The following AP3D1 variants were observed in gnomAD, a reference collection of about 807,000 sequenced individuals.
The protein encoded by AP3D1 is AP-3 complex subunit delta-1.
In AP3D1, 51 loss-of-function variants were observed where a neutral mutation model predicts 147.6. The observed-to-expected ratio is 0.35, with a 90% CI of 0.28 to 0.44. The LOEUF is 0.44. Among genes scored for constraint, AP3D1 ranks in the 20% least tolerant of loss-of-function variants. The pLI is 1.00. For missense variants in AP3D1, 1,421 were observed against 1,624.2 expected, an observed-to-expected ratio of 0.87 and a Z score of 2.15; for synonymous variants, 760 against 663.0, an observed-to-expected ratio of 1.15 and a Z score of -2.25.
rs1599484414 is a variant in AP3D1 at position 2,137,578 on chromosome 19, A to G, written c.273+149T>C. 1.2e-5 allele frequency: 8 copies of G among 681,786 alleles called. No homozygotes were observed. The East Asian group carries it at 1.9e-4, about 16-fold the overall frequency. The allele number at this position is 681,786 out of a possible 1,614,324, so 42.2% of individuals were successfully genotyped here. A position where few individuals can be genotyped will look rare whatever the true frequency, so the allele number is the denominator to read the frequency against. The stretch of plus-strand genomic sequence containing the variant: ...TGATCCGCCTGTCTCAGCCTCCCAA[A>G]GTGCTGGGATTACAGGCCACTGAAT... On this transcript the variant is annotated intron_variant, in intron 3 of 31. Coordinates refer to ENST00000643116, the MANE Select transcript of AP3D1 (RefSeq NM_001261826.3).
At chr19:2,121,935 G>A in intron 11 of AP3D1, 56 bp from the exon 12 acceptor site, 1 of 1,548,768 alleles carries the variant, frequency 6.5e-7, no homozygotes, top group Non-Finnish European at 8.7e-7. Context: ...GCAGGGTGCA[G>A]GCAGGGCCCA....
intron 9 of AP3D1, among the ~76,000 whole-genome samples, chr19:2,126,843 G>A (rs1470479195): frequency 1.3e-5 from 2 of 152,118 alleles, no homozygotes; most frequent in Non-Finnish European, 2.9e-5. Flanking sequence ...CAGGTATGAG[G>A]AGGGGCTTTA....
intron 1 of AP3D1, among the ~76,000 whole-genome samples, chr19:2,157,310 C>T (rs1240699328): frequency 1.3e-5 from 2 of 150,712 alleles, no homozygotes; most frequent in African/African-American, 4.9e-5. Context: ...GGCGTAGTGG[C>T]GGGCGCCTGT....
chr19:2,127,039 G>A (rs2018776453), intron 9 of AP3D1, 113 bp downstream of exon 9: 2 of 1,180,140 alleles, frequency 1.7e-6, no homozygotes, highest in Non-Finnish European at 2.5e-6. Context: ...TTCCTTCTCA[G>A]TTCCAGCAGG....
chr19:2,146,598 A>G (rs1295799740), intron 1 of AP3D1, among the ~76,000 whole-genome samples: 1 of 123,666 alleles, frequency 8.1e-6, no homozygotes, highest in Non-Finnish European at 1.6e-5. Flanking sequence ...ACGGAGCAAG[A>G]CCCTGTCTCA....
chr19:2,117,062 G>C (rs2018476350), intron 16 of AP3D1, 160 bp downstream of exon 16: 1 of 951,864 alleles, frequency 1.1e-6, no homozygotes, highest in Non-Finnish European at 1.5e-6. Context: ...ACCAGTGAGA[G>C]ACCTGGTGAG....
intron 16 of AP3D1, 110 bp downstream of exon 16, chr19:2,117,112 C>A: frequency 7.2e-7 from 1 of 1,385,052 alleles, no homozygotes; most frequent in Non-Finnish European, 9.6e-7. Context: ...CTCCAATCAG[C>A]CCCACACCCT....
chr19:2,110,675 C>T (rs1341278260), intron 27 of AP3D1, 32 bp downstream of exon 27: 1 of 1,548,926 alleles, frequency 6.5e-7, no homozygotes, highest in Admixed American at 1.9e-5. Flanking sequence ...CCCACAGTCC[C>T]CAGGAGAGGC....
intron 1 of AP3D1, among the ~76,000 whole-genome samples, chr19:2,159,410 ACGGAGTCTCGCTCTGTGG>A (rs2019676713): frequency 1.4e-5 from 2 of 146,982 alleles, no homozygotes; most frequent in African/African-American, 5.1e-5. Context: ...TTTTTTTGAG[ACGGAGTCTCGCTCTGTGG>A]CCCAGGCTGG....
rs531871795 is a variant in AP3D1 at position 2,160,680 on chromosome 19, A to G, written c.-103+3676T>C. Among the ~76,000 whole-genome samples the G allele has an allele frequency of 9.2e-5, 14 of 152,272 alleles. No individual in the cohort carries two copies. The East Asian group carries it at 2.7e-3, about 29-fold the overall frequency. On this transcript the variant is annotated intron_variant, in intron 1 of 14. Coordinates refer to the AP3D1 transcript ENST00000643010. ...GTCTTAGCCCGGATAACCTGTACTC[A>G]GTGATCCTGAGGATATAGATAGAGT... is the stretch of plus-strand genomic sequence containing the variant.
chr19:2,120,903 C>T lies in AP3D1; in HGVS notation c.1440G>A (p.Glu480=). Residue 480 remains glutamate (E), a synonymous_variant, in exon 14 of 32, where the codon GAG becomes GAA. Coordinates refer to ENST00000643116, the MANE Select transcript of AP3D1 (RefSeq NM_001261826.3). ...ASSTQRNGIC[E]VLYAAAWICG... ...AGATCCAGGCGGCAGCGTACAGCAC[C>T]TCACAGATCCCGTTCCGCTGGGTGC... 1 of 1,611,290 alleles carries T rather than the reference C, an allele frequency of 6.2e-7. No homozygotes were observed. Among genetic ancestry groups the T allele is most frequent in the East Asian group, 2.2e-5 (1 of 44,890 alleles).
chr19:2,139,691 AG>A (rs199800351), intron 1 of AP3D1, among the ~76,000 whole-genome samples: 6,546 of 152,316 alleles, frequency 0.043, 217 homozygotes, highest in Non-Finnish European at 0.067. Flanking sequence ...CCTAATGCAC[AG>A]GAGCCCCTCT....
chr19:2,151,444 CG>C lies in AP3D1; in HGVS notation c.-111del. The stretch of plus-strand genomic sequence containing the variant: ...AGCGCCGCGCTGCCGGCCGCTGCGG[CG>C]GGGCAAGCTCCCAGGCCAGGGCGGC... On this transcript the variant is annotated 5_prime_UTR_variant, in exon 1 of 32. Transcript: ENST00000643116. 1 of 632,548 alleles carries C rather than the reference CG, an allele frequency of 1.6e-6. No individual in the cohort carries two copies. The highest frequency in any genetic ancestry group is 2.0e-6 in the Non-Finnish European group (1 of 496,600). The allele number at this position is 632,548 out of a possible 1,614,324, so 39.2% of individuals were successfully genotyped here. A position where few individuals can be genotyped will look rare whatever the true frequency, so the allele number is the denominator to read the frequency against.
In AP3D1 at chr19:2,160,400, A is replaced by C. The variant is rs3803914; in HGVS notation, c.-103+3956T>G. On this transcript the variant is annotated intron_variant, in intron 1 of 14. Coordinates refer to the AP3D1 transcript ENST00000643010. The stretch of plus-strand genomic sequence containing the variant: ...AAAAATCAGCCGGGAGTGGTGGCGC[A>C]TGCCTGTAATCCCCGCTACTCGGGA... 5.8e-4 allele frequency among the ~76,000 whole-genome samples: 89 copies of C among 152,186 alleles called. 1 individual carries two copies. Among genetic ancestry groups the C allele is most frequent in the African/African-American group, 2.0e-3 (83 of 41,530 alleles).
chr19:2,116,141 T>C (rs2018441016), intron 18 of AP3D1, 66 bp downstream of exon 18: 3 of 1,515,658 alleles, frequency 2.0e-6, no homozygotes, highest in Non-Finnish European at 2.7e-6. Context: ...CTCAGATGGA[T>C]GCCGCGGGGC....
intron 1 of AP3D1, among the ~76,000 whole-genome samples, chr19:2,160,197 A>G (rs899933012): frequency 1.3e-5 from 2 of 152,166 alleles, no homozygotes; most frequent in Non-Finnish European, 2.9e-5. Context: ...GAACTATGGG[A>G]ATGACCAGAG....
Position 2,111,703 on chromosome 19 carries a change from GC to G in AP3D1, c.2912del (p.Gly971AlafsTer25), listed in dbSNP as rs2018283123. The G allele has an allele frequency of 6.3e-7, 1 of 1,597,882 alleles. No homozygotes were observed. The highest frequency in any genetic ancestry group is 8.5e-7 in the Non-Finnish European group (1 of 1,173,796). ...EEAAGEPVQN[G>X]APEEEQLPPE... ...CCGGGAGCTGCTCCTCCTCTGGCGC[GC>G]CATTCTGCACCGGCTCCCCCGCTGC... On this transcript the variant is annotated frameshift_variant, in exon 25 of 32. Transcript: ENST00000643116. LOFTEE classifies it high-confidence loss of function.
At chr19:2,129,278 C>T (rs1484837326) in intron 7 of AP3D1, 40 bp downstream of exon 7, 1 of 1,607,032 alleles carries the variant, frequency 6.2e-7, no homozygotes. Context: ...GGGAATGCCC[C>T]ACACAGGGTG....
chr19:2,164,345 G>C, intron 1 of AP3D1: 1 of 1,024,516 alleles, frequency 9.8e-7, no homozygotes, highest in Non-Finnish European at 1.2e-6. Context: ...ACCCCCCCAA[G>C]CCGCGCTCAC....
Sources: gnomAD v4.1 joint callset for allele counts (sites outside exome capture counted in the v4.1 genomes callset) on GRCh38, gnomAD v4.1.1 for gene constraint, MANE v1.5 for transcripts, NCBI Gene and HGNC (gene_info 2026-07-23, HGNC 2026-07-21) for gene names.